The following MGAT4C variants were observed in gnomAD, a reference collection of about 807,000 sequenced individuals.
The protein encoded by MGAT4C is MGAT4 family member C, also known as alpha-1,3-mannosyl-glycoprotein 4-beta-N-acetylglucosaminyltransferase C.
Under a neutral mutation model 40.1 loss-of-function variants are expected in MGAT4C, and 19 were observed. The observed-to-expected ratio is 0.47, with a 90% CI of 0.33 to 0.70. The LOEUF (loss-of-function observed/expected upper bound fraction) is 0.70, where lower values mean the gene tolerates loss of function less well. Among genes scored for constraint, MGAT4C ranks in the 30% least tolerant of loss-of-function variants. The probability of loss-of-function intolerance (pLI) is 0.02; values close to 1 mark genes in which losing one functional copy is unlikely to be tolerated. For synonymous variants in MGAT4C, 181 were observed against 187.1 expected (o/e 0.97, Z 0.27); for missense variants, 491 against 563.2 (o/e 0.87, Z 1.30).
At chr12:86,724,405 A>T (rs1001884242) in intron 2 of MGAT4C, among the ~76,000 whole-genome samples, 2 of 152,196 alleles carry the variant, frequency 1.3e-5, no homozygotes, top group African/African-American at 4.8e-5. Context: ...AAGTGTTTCA[A>T]AAACTGGGTC....
chr12:86,320,085 C>A (rs920855978), intron 4 of MGAT4C, among the ~76,000 whole-genome samples: 2 of 152,064 alleles, frequency 1.3e-5, no homozygotes, highest in Admixed American at 6.6e-5. Context: ...TCTGACCCAG[C>A]CCATACTTCC....
At chr12:85,982,095 G>C (rs1216674843) in intron 4 of MGAT4C, among the ~76,000 whole-genome samples, 1 of 152,192 alleles carries the variant, frequency 6.6e-6, no homozygotes, top group Non-Finnish European at 1.5e-5. Context: ...AGTCTTAAAA[G>C]AGAGGTCAAT....
chr12:86,381,794 G>A (rs1250388281), intron 3 of MGAT4C, among the ~76,000 whole-genome samples: 1 of 152,112 alleles, frequency 6.6e-6, no homozygotes, highest in Non-Finnish European at 1.5e-5. Flanking sequence ...CTGGTGGGAG[G>A]TAATTGAGTC....
intron 2 of MGAT4C, among the ~76,000 whole-genome samples, chr12:85,999,666 AAATAG>A (rs1887079642): frequency 6.6e-6 from 1 of 151,888 alleles, no homozygotes; most frequent in Non-Finnish European, 1.5e-5. Context: ...TTTAGCCATA[AAATAG>A]AATGGAATAC....
At chr12:86,722,884 A>G (rs1950759780) in intron 2 of MGAT4C, among the ~76,000 whole-genome samples, 2 of 152,178 alleles carry the variant, frequency 1.3e-5, no homozygotes, top group African/African-American at 4.8e-5. Context: ...TATACATAAA[A>G]TTGTCTGATA....
At chr12:86,739,960 T>A (rs1951043949) in intron 1 of MGAT4C, among the ~76,000 whole-genome samples, 1 of 150,992 alleles carries the variant, frequency 6.6e-6, no homozygotes, top group African/African-American at 2.4e-5. Flanking sequence ...AATATAATAT[T>A]CCTTATGAGC....
intron 2 of MGAT4C, among the ~76,000 whole-genome samples, chr12:86,668,570 C>T (rs1372106753): frequency 2.6e-5 from 4 of 152,208 alleles, no homozygotes; most frequent in Non-Finnish European, 4.4e-5. Context: ...AATCTGTGCA[C>T]ATACACTGTC....
intron 2 of MGAT4C, among the ~76,000 whole-genome samples, chr12:86,485,242 C>T (rs1336619970): frequency 6.6e-6 from 1 of 152,122 alleles, no homozygotes; most frequent in African/African-American, 2.4e-5. Context: ...CTTAACCAGA[C>T]TGAAATGACA....
At chr12:86,106,659 T>C (rs947071473) in intron 1 of MGAT4C, among the ~76,000 whole-genome samples, 19 of 152,114 alleles carry the variant, frequency 1.2e-4, no homozygotes, top group Non-Finnish European at 2.2e-4. Context: ...ATATGGTCTT[T>C]TTTTTTTCCT....
At chr12:86,804,240 G>A (rs1593222798) in intron 1 of MGAT4C, among the ~76,000 whole-genome samples, 1 of 139,246 alleles carries the variant, frequency 7.2e-6, no homozygotes, top group Non-Finnish European at 1.5e-5. Context: ...CACAGGAAGG[G>A]GAATATCACA....
chr12:86,582,689 G>C (rs1330110398), intron 2 of MGAT4C, among the ~76,000 whole-genome samples: 1 of 151,208 alleles, frequency 6.6e-6, no homozygotes, highest in Non-Finnish European at 1.5e-5. Flanking sequence ...ATCTGAATCT[G>C]ATACACAGTC....
chr12:86,039,701 C>T (rs1484693348), intron 2 of MGAT4C, among the ~76,000 whole-genome samples: 1 of 152,126 alleles, frequency 6.6e-6, no homozygotes, highest in Admixed American at 6.6e-5. Context: ...TGTTGTTACT[C>T]ACCTTCTGAA....
intron 1 of MGAT4C, among the ~76,000 whole-genome samples, chr12:86,212,932 T>A (rs1950540303): frequency 6.9e-6 from 1 of 145,196 alleles, no homozygotes. Flanking sequence ...GAACACTCAT[T>A]AACTGTTAGT....
At chr12:86,009,178 C>A (rs1592675924) in intron 2 of MGAT4C, among the ~76,000 whole-genome samples, 1 of 152,046 alleles carries the variant, frequency 6.6e-6, no homozygotes, top group South Asian at 2.1e-4. Context: ...ATATTACAAA[C>A]TTTTTCATTT....
chr12:86,370,372 T>C (rs1211272243), intron 3 of MGAT4C, among the ~76,000 whole-genome samples: 2 of 152,046 alleles, frequency 1.3e-5, no homozygotes, highest in African/African-American at 4.8e-5. Context: ...AAACAGCGTG[T>C]GCAAAATATC....
intron 2 of MGAT4C, among the ~76,000 whole-genome samples, chr12:86,476,828 C>G (rs373823322): frequency 1.1e-3 from 160 of 152,134 alleles, no homozygotes; most frequent in African/African-American, 3.4e-3. Flanking sequence ...AATGCAGGAA[C>G]AAGAAAGAAA....
At chr12:86,790,358 G>T (rs1199376425) in intron 1 of MGAT4C, among the ~76,000 whole-genome samples, 1 of 151,988 alleles carries the variant, frequency 6.6e-6, no homozygotes, top group Non-Finnish European at 1.5e-5. Context: ...CAAAGACCTA[G>T]TATAAGGCTC....
chr12:86,314,909 T>C (rs1466117460), intron 4 of MGAT4C, among the ~76,000 whole-genome samples: 1 of 152,074 alleles, frequency 6.6e-6, no homozygotes, highest in Non-Finnish European at 1.5e-5. Flanking sequence ...ATTGTTAAAG[T>C]GGCCATACTG....
rs1194947740 is a variant in MGAT4C, at chr12:86,825,506, A to C, written c.-262+13160T>G. ...AACTATTAACTGAGACAAATCAGAG[A>C]TCTTTATAACATTAATGGGTACCAA... On this transcript the variant is annotated intron_variant, in intron 1 of 7. Coordinates refer to the MGAT4C transcript ENST00000548651. Among the ~76,000 whole-genome samples, 3 of 151,434 alleles carry C rather than the reference A, an allele frequency of 2.0e-5. No individual in the cohort carries two copies. The East Asian group carries it at 5.8e-4, about 29-fold the overall frequency.
Sources: allele counts gnomAD v4.1 joint callset (sites outside exome capture counted in the v4.1 genomes callset), GRCh38; gene constraint gnomAD v4.1.1; transcripts MANE v1.5; gene names NCBI Gene and HGNC (gene_info 2026-07-23, HGNC 2026-07-21).